MAP3K15: variants seen among roughly 807,000 people sequenced by gnomAD.
The protein encoded by MAP3K15 is mitogen-activated protein kinase kinase kinase 15.
In MAP3K15, 124 loss-of-function variants were observed where a neutral mutation model predicts 99.5. The ratio of observed to expected loss-of-function variants is 1.25; its 90% CI spans 1.08 to 1.45. The LOEUF is 1.45. MAP3K15 is among the 40% of genes most tolerant of loss of function. The pLI, the probability that MAP3K15 is intolerant of heterozygous loss-of-function variation, is 0.00. For synonymous variants in MAP3K15, 494 were observed against 439.6 expected (o/e 1.12, Z -1.55); for missense variants, 1,242 against 1,079.7 (o/e 1.15, Z -2.11).
chrX:19,458,362 T>A (rs971827907), intron 5 of MAP3K15, among the ~76,000 whole-genome samples: 1 of 112,454 alleles, frequency 8.9e-6, no homozygotes, highest in Non-Finnish European at 1.9e-5. Context: ...ATCATTATCA[T>A]CCCTAGTAGC....
intron 3 of MAP3K15, among the ~76,000 whole-genome samples, chrX:19,477,323 G>GAACAAC (rs751372427): frequency 9.0e-6 from 1 of 110,936 alleles, no homozygotes; most frequent in African/African-American, 3.3e-5. Flanking sequence ...CCACAGGCAG[G>GAACAAC]AACAACAACA....
At chrX:19,381,587 C>T (rs1471349284) in intron 18 of MAP3K15, among the ~76,000 whole-genome samples, 3 of 111,668 alleles carry the variant, frequency 2.7e-5, no homozygotes, top group East Asian at 5.7e-4. Flanking sequence ...GACAGCGGTC[C>T]GGGGAACAAG....
intron 1 of MAP3K15, among the ~76,000 whole-genome samples, chrX:19,493,091 AACAG>A (rs762069992): frequency 1.6e-4 from 18 of 111,357 alleles, no homozygotes; most frequent in Non-Finnish European, 2.6e-4. Context: ...AGCAAATAGA[AACAG>A]ACAAAGGGGA....
chrX:19,417,028 T>A (rs1602289485), intron 9 of MAP3K15, among the ~76,000 whole-genome samples: 1 of 112,667 alleles, frequency 8.9e-6, no homozygotes, highest in African/African-American at 3.2e-5. Flanking sequence ...TTTACTCCAA[T>A]GGTAGCATCT....
At chrX:19,475,506 G>C (rs902394361) in intron 3 of MAP3K15, among the ~76,000 whole-genome samples, 13 of 110,993 alleles carry the variant, frequency 1.2e-4, no homozygotes, top group African/African-American at 3.6e-4. Context: ...CCCCTAAAAG[G>C]CTAAAAACCC....
rs763389071 is a variant in MAP3K15 at position 19,415,098 on chromosome X, A to T, written c.1590+9T>A. 2.6e-6 allele frequency: 3 copies of T among 1,141,286 alleles called. No homozygotes were observed. In the African/African-American group the frequency reaches 5.4e-5, roughly 20 times the overall value. 94.1% of individuals were successfully genotyped at this position (1,141,286 alleles called of 1,213,427 possible). Reference sequence around the variant, plus strand: ...AATCTTAAAAAAAAATGGATTTAGCATATCTTACTGGAAATCTGAGTCCAT... The same window carrying T: ...AATCTTAAAAAAAAATGGATTTAGCTTATCTTACTGGAAATCTGAGTCCAT... On this transcript the variant is annotated intron_variant, in intron 10 of 28. Coordinates refer to ENST00000338883, the MANE Select transcript of MAP3K15 (RefSeq NM_001001671.4).
intron 1 of MAP3K15, among the ~76,000 whole-genome samples, chrX:19,494,878 T>TAA (rs760808925): frequency 1.1e-5 from 1 of 92,464 alleles, no homozygotes; most frequent in Non-Finnish European, 2.2e-5. Flanking sequence ...AAGCTACCTT[T>TAA]AAAAAAAAAA....
At chrX:19,371,645 G>A in intron 22 of MAP3K15, 115 bp from the exon 23 acceptor site, 2 of 668,711 alleles carry the variant, frequency 3.0e-6, no homozygotes, top group East Asian at 3.5e-5. Context: ...ACTCCCAGGT[G>A]AGAAGGGGTC....
Position 19,388,759 on chromosome X carries a change from C to T in MAP3K15, c.2431+3243G>A, listed in dbSNP as rs7057451. ...AACGATGTTTGCAGCCAGACGAGAA[C>T]AGACTTCCTGTCCCGAGTTCTCCCT... On this transcript the variant is annotated intron_variant, in intron 18 of 28. Transcript: ENST00000338883. Among the ~76,000 whole-genome samples, 600 of 112,141 alleles carry T rather than the reference C, an allele frequency of 5.4e-3. 1 individual carries two copies. Among genetic ancestry groups the T allele is most frequent in the African/African-American group, 0.019 (572 of 30,886 alleles).
chrX:19,407,217 G>T lies in MAP3K15; in HGVS notation c.1815C>A (p.Ile605=), dbSNP rs920028803. 1 of 1,194,669 alleles carries T rather than the reference G, an allele frequency of 8.4e-7. No homozygotes were observed. The highest frequency in any genetic ancestry group is 1.8e-5 in the African/African-American group (1 of 56,301). Residue 605 remains isoleucine (I), a synonymous_variant, in exon 13 of 29, where the codon ATC becomes ATA. Coordinates refer to ENST00000338883, the MANE Select transcript of MAP3K15 (RefSeq NM_001001671.4). ...TGCACTGCTCTTCGGTGGAAAAGTA[G>T]ATTTGAAAGTCATCAGAATTATCAT... ...YVHDNSDDFQ[I]YFSTEEQCSR...
intron 1 of MAP3K15, among the ~76,000 whole-genome samples, chrX:19,498,659 G>A (rs376697986): frequency 6.2e-5 from 7 of 112,021 alleles, no homozygotes; most frequent in Non-Finnish European, 1.1e-4. Flanking sequence ...ATAATGAGAC[G>A]AAAAGGAGGC....
At chrX:19,488,798 A>G (rs1415920233) in intron 2 of MAP3K15, 30 bp downstream of exon 2, 3 of 1,165,912 alleles carry the variant, frequency 2.6e-6, no homozygotes, top group Non-Finnish European at 3.4e-6. Context: ...CCCAAAACAA[A>G]GTACTCAGGA....
intron 1 of MAP3K15, among the ~76,000 whole-genome samples, chrX:19,513,056 G>A (rs963947289): frequency 9.0e-6 from 1 of 111,445 alleles, no homozygotes; most frequent in Non-Finnish European, 1.9e-5. Context: ...CAATTCTAAT[G>A]CACTGAGAAA....
intron 28 of MAP3K15, 27 bp from the exon 29 acceptor site, chrX:19,360,860 G>C: frequency 9.0e-7 from 1 of 1,110,298 alleles, no homozygotes. Flanking sequence ...GCTGTCTTCA[G>C]AGTCAGTGCT....
chrX:19,431,406 G>T lies in MAP3K15; in HGVS notation c.1166+32C>A, dbSNP rs368481161. Reference sequence around the variant, plus strand: ...ATGCGATTCTGTTCCTTGAAGAGATGCAAGTGCTCATAACTCGGGCTGAGG... The same window carrying T: ...ATGCGATTCTGTTCCTTGAAGAGATTCAAGTGCTCATAACTCGGGCTGAGG... On this transcript the variant is annotated intron_variant, in intron 7 of 28. Transcript: ENST00000338883. The T allele has an allele frequency of 5.1e-6, 6 of 1,181,547 alleles. No homozygotes were observed. The South Asian group carries it at 5.4e-5, about 11-fold the overall frequency.
Position 19,372,660 on chromosome X carries a change from A to C in MAP3K15, c.3101T>G (p.Val1034Gly). The C allele has an allele frequency of 8.3e-7, 1 of 1,205,451 alleles. No homozygotes were observed. Among genetic ancestry groups the C allele is most frequent in the African/African-American group, 1.7e-5 (1 of 57,605 alleles). Residue 1034 changes from valine (V) to glycine (G), a missense_variant, in exon 22 of 29, where the codon GTG becomes GGG. By Grantham distance (109) the Val-to-Gly change is moderately radical. Transcript: ENST00000338883. ...CCTCCCTCGGGCAAATACCTGGGCC[A>C]CACACTCCTGCAGGTTGGAAGCCAC... Reference protein sequence around the residue: ...NQVASNLQECVAQSSEELHLS... With the variant: ...NQVASNLQECGAQSSEELHLS...
chrX:19,482,785 CAA>C lies in MAP3K15; in HGVS notation c.525+3695_525+3696del, dbSNP rs770267707. On this transcript the variant is annotated intron_variant, in intron 3 of 28. Transcript: ENST00000338883. ...ACCTACATAAAGCATTTCAAAAAAA[CAA>C]AACAAAACCAGAACACAAGAATATG... Among the ~76,000 whole-genome samples, 242 of 106,409 alleles carry C rather than the reference CAA, an allele frequency of 2.3e-3. 1 individual carries two copies. The highest frequency in any genetic ancestry group is 7.7e-3 in the African/African-American group (232 of 30,148). 92.4% of individuals were successfully genotyped at this position (106,409 alleles called of 115,157 possible). A position where few individuals can be genotyped will look rare whatever the true frequency, so the allele number is the denominator to read the frequency against.
At chrX:19,469,104 C>T (rs193135032) in intron 3 of MAP3K15, among the ~76,000 whole-genome samples, 1 of 111,136 alleles carries the variant, frequency 9.0e-6, no homozygotes, top group Non-Finnish European at 1.9e-5. Context: ...ATGCCCTAAG[C>T]CAAAAGAACA....
chrX:19,443,671 G>A (rs957478043), intron 6 of MAP3K15, among the ~76,000 whole-genome samples: 4 of 111,493 alleles, frequency 3.6e-5, no homozygotes, highest in Non-Finnish European at 7.5e-5. Flanking sequence ...CTGGGCGGGG[G>A]CACAGCATAT....
Sources: gnomAD v4.1 joint callset for allele counts (sites outside exome capture counted in the v4.1 genomes callset) on GRCh38, gnomAD v4.1.1 for gene constraint, MANE v1.5 for transcripts, NCBI Gene and HGNC (gene_info 2026-07-23, HGNC 2026-07-21) for gene names.